The following GSK3B variants were observed in gnomAD, a reference collection of about 807,000 sequenced individuals.
The protein encoded by GSK3B is glycogen synthase kinase 3 beta.
In GSK3B, 15 loss-of-function variants were observed where a neutral mutation model predicts 56.4. That is an observed-to-expected ratio of 0.27 (90% CI 0.18 to 0.41). The LOEUF (loss-of-function observed/expected upper bound fraction) is 0.41. Among genes scored for constraint, GSK3B ranks in the 10% least tolerant of loss-of-function variants. GSK3B has a pLI of 1.00. For synonymous variants in GSK3B, 181 were observed against 188.9 expected, an observed-to-expected ratio of 0.96 and a Z score of 0.34; for missense variants, 300 against 513.4, an observed-to-expected ratio of 0.58 and a Z score of 4.02.
At chr3:120,080,883 C>T (rs955772766) in intron 1 of GSK3B, among the ~76,000 whole-genome samples, 2 of 151,600 alleles carry the variant, frequency 1.3e-5, no homozygotes, top group East Asian at 1.9e-4. Flanking sequence ...AATACAATTA[C>T]ATACCTAAGT....
intron 1 of GSK3B, among the ~76,000 whole-genome samples, chr3:120,027,762 C>A (rs889879827): frequency 1.3e-5 from 2 of 152,074 alleles, no homozygotes; most frequent in Admixed American, 1.3e-4. Flanking sequence ...CACAAACACA[C>A]CAAAAAGTAA....
At chr3:119,879,609 T>C (rs944807145) in intron 7 of GSK3B, among the ~76,000 whole-genome samples, 6 of 152,142 alleles carry the variant, frequency 3.9e-5, no homozygotes, top group African/African-American at 1.4e-4. Context: ...CTTTCTATTG[T>C]TTTGTACCCA....
At chr3:119,865,452 ATATATATATATATATTTTTTT>A (rs1263921477) in intron 8 of GSK3B, among the ~76,000 whole-genome samples, 9 of 18,190 alleles carry the variant, frequency 4.9e-4, no homozygotes, top group South Asian at 5.4e-3. Flanking sequence ...ATATATATAT[ATATATATATATATATTTTTTT>A]TTTTTTTTTT....
At chr3:120,032,106 CAAT>C (rs1323041882) in intron 1 of GSK3B, among the ~76,000 whole-genome samples, 1 of 152,028 alleles carries the variant, frequency 6.6e-6, no homozygotes, top group Admixed American at 6.6e-5. Context: ...TAAAATATCT[CAAT>C]AATGATTTTT....
intron 2 of GSK3B, among the ~76,000 whole-genome samples, chr3:119,990,968 T>G (rs991864010): frequency 2.6e-5 from 4 of 152,142 alleles, no homozygotes; most frequent in African/African-American, 9.7e-5. Flanking sequence ...AAGTAGACTA[T>G]GCTCTCCATT....
At chr3:120,002,391 T>G (rs946351705) in intron 1 of GSK3B, 152 bp from the exon 2 acceptor site, 13 of 415,864 alleles carry the variant, frequency 3.1e-5, no homozygotes, top group Non-Finnish European at 5.4e-5. Context: ...CAGGCTGTTG[T>G]GCAGTCACAC....
chr3:120,063,410 C>A (rs1404786784), intron 1 of GSK3B, among the ~76,000 whole-genome samples: 7 of 152,038 alleles, frequency 4.6e-5, no homozygotes, highest in Non-Finnish European at 1.0e-4. Flanking sequence ...TAATGTCCAT[C>A]AATATGGAAC....
intron 7 of GSK3B, among the ~76,000 whole-genome samples, chr3:119,888,834 C>T (rs543718386): frequency 6.6e-6 from 1 of 152,016 alleles, no homozygotes; most frequent in African/African-American, 2.4e-5. Context: ...TAAACGGCTG[C>T]TCTGGGAGTG....
chr3:120,094,384 G>C lies in GSK3B; in HGVS notation c.-950C>G, dbSNP rs1247948313. On this transcript the variant is annotated 5_prime_UTR_variant, in exon 1 of 11. Transcript: ENST00000264235. ...CCTTCCTTCCTTTGTCACTTGGCCC[G>C]GGCGGCGGCGGCGGCGGCGGCGGCA... The C allele has an allele frequency of 6.4e-6, 2 of 310,982 alleles. No homozygotes were observed. Among genetic ancestry groups the C allele is most frequent in the Non-Finnish European group, 1.2e-5 (2 of 167,656 alleles). 19.3% of individuals were successfully genotyped at this position (310,982 alleles called of 1,614,324 possible).
intron 1 of GSK3B, among the ~76,000 whole-genome samples, chr3:120,006,103 C>CA (rs977693984): frequency 2.0e-4 from 29 of 147,710 alleles, no homozygotes; most frequent in African/African-American, 2.7e-4. Context: ...AAATGGAAAG[C>CA]AAAAAAAAAT....
In GSK3B at chr3:119,822,730, CAG is replaced by C. The variant is rs1351653463; in HGVS notation, c.*4056_*4057del. The C allele has an allele frequency of 1.8e-5, 4 of 228,306 alleles. No homozygotes were observed. The highest frequency in any genetic ancestry group is 1.7e-4 in the Admixed American group (3 of 17,600). 14.1% of individuals were successfully genotyped at this position (228,306 alleles called of 1,614,324 possible). A position where few individuals can be genotyped will look rare whatever the true frequency, so the allele number is the denominator to read the frequency against. On this transcript the variant is annotated 3_prime_UTR_variant, in exon 11 of 11. Coordinates refer to ENST00000264235, the MANE Select transcript of GSK3B (RefSeq NM_001146156.2). ...TGTAAAGCATACCTACTTTTCCACA[CAG>C]GGGAGAAAAGTGTTTGGCTCTGTGA...
At chr3:119,969,303 A>C (rs2057345352) in intron 2 of GSK3B, among the ~76,000 whole-genome samples, 1 of 152,040 alleles carries the variant, frequency 6.6e-6, no homozygotes, top group African/African-American at 2.4e-5. Context: ...AAAAAAAAAA[A>C]AAATCTATAT....
intron 1 of GSK3B, among the ~76,000 whole-genome samples, chr3:120,026,512 TACACACACACACAC>T (rs61580328): frequency 3.5e-4 from 46 of 130,506 alleles, no homozygotes; most frequent in East Asian, 8.8e-4. Context: ...TACCGCCAAA[TACACACACACACAC>T]ACACACACAC....
chr3:119,928,739 T>C (rs1373658026), intron 3 of GSK3B, among the ~76,000 whole-genome samples: 1 of 151,036 alleles, frequency 6.6e-6, no homozygotes, highest in Non-Finnish European at 1.5e-5. Context: ...AAGATTAGCA[T>C]GAGTCACATA....
In GSK3B at chr3:119,825,297, G is replaced by T. The variant is rs73175828; in HGVS notation, c.*1491C>A. The T allele has an allele frequency of 0.093, 21,351 of 228,842 alleles. 1,210 individuals are homozygous for T. The highest frequency in any genetic ancestry group is 0.12 in the Middle Eastern group (93 of 758). 14.2% of individuals were successfully genotyped at this position (228,842 alleles called of 1,614,324 possible). A position where few individuals can be genotyped will look rare whatever the true frequency, so the allele number is the denominator to read the frequency against. ...AGTCATGAAAATCTATTTCCTCACG[G>T]CAAACATAGTCCTTCAATTCTCCTT... On this transcript the variant is annotated 3_prime_UTR_variant, in exon 11 of 11. Coordinates refer to ENST00000264235, the MANE Select transcript of GSK3B (RefSeq NM_001146156.2).
intron 9 of GSK3B, among the ~76,000 whole-genome samples, chr3:119,851,152 T>C (rs1395475955): frequency 2.6e-5 from 4 of 152,234 alleles, no homozygotes; most frequent in Non-Finnish European, 5.9e-5. Flanking sequence ...AACATTTTAA[T>C]GCACAATTTA....
chr3:119,823,441 ATAC>A lies in GSK3B; in HGVS notation c.*3344_*3346del, dbSNP rs916873138. 1 of 198,126 alleles carries A rather than the reference ATAC, an allele frequency of 5.0e-6. No individual in the cohort carries two copies. Among genetic ancestry groups the A allele is most frequent in the Non-Finnish European group, 1.0e-5 (1 of 95,776 alleles). 12.3% of individuals were successfully genotyped at this position (198,126 alleles called of 1,614,324 possible). A position where few individuals can be genotyped will look rare whatever the true frequency, so the allele number is the denominator to read the frequency against. ...TAGACCACTGACGTATCAAAACCTG[ATAC>A]TATTAAGAAACTTCGATTTATAAAA... On this transcript the variant is annotated 3_prime_UTR_variant, in exon 11 of 11. Coordinates refer to ENST00000264235, the MANE Select transcript of GSK3B (RefSeq NM_001146156.2).
intron 7 of GSK3B, among the ~76,000 whole-genome samples, chr3:119,898,910 T>G (rs1256131008): frequency 6.6e-6 from 1 of 152,196 alleles, no homozygotes. Flanking sequence ...CAAAATATTT[T>G]CTTGTACTAC....
intron 9 of GSK3B, 67 bp downstream of exon 9, chr3:119,863,352 A>G (rs2056133506): frequency 8.1e-7 from 1 of 1,239,632 alleles, no homozygotes; most frequent in African/African-American, 1.5e-5. Context: ...TAATTAATAG[A>G]ATGTCATTTC....
Sources: allele counts gnomAD v4.1 joint callset (sites outside exome capture counted in the v4.1 genomes callset), GRCh38; gene constraint gnomAD v4.1.1; transcripts MANE v1.5; gene names NCBI Gene and HGNC (gene_info 2026-07-23, HGNC 2026-07-21).